The following PDE4D variants were observed in gnomAD, a reference collection of about 807,000 sequenced individuals.
PDE4D encodes 3',5'-cyclic-AMP phosphodiesterase 4D.
Under a neutral mutation model 87.4 loss-of-function variants are expected in PDE4D, and 24 were observed. The observed-to-expected ratio is 0.27, with a 90% CI of 0.20 to 0.39. The LOEUF (loss-of-function observed/expected upper bound fraction) is 0.39, where lower values mean the gene tolerates loss of function less well. Ranked by LOEUF, PDE4D falls within the 10% of genes least tolerant of loss-of-function variation. The pLI, the probability that PDE4D is intolerant of heterozygous loss-of-function variation, is 1.00. For synonymous variants in PDE4D, 384 were observed against 383.2 expected (o/e 1.00, Z -0.02); for missense variants, 714 against 1,041.0 (o/e 0.69, Z 4.32).
intron 1 of PDE4D, among the ~76,000 whole-genome samples, chr5:59,646,217 A>C (rs1343569559): frequency 2.0e-5 from 3 of 152,204 alleles, no homozygotes; most frequent in Non-Finnish European, 4.4e-5. Context: ...ATTTCTCTTA[A>C]AAGGGACTCC....
intron 2 of PDE4D, among the ~76,000 whole-genome samples, chr5:60,035,187 C>T (rs536023091): frequency 1.3e-3 from 197 of 150,582 alleles, no homozygotes; most frequent in African/African-American, 4.5e-3. Context: ...ACCCAGGAGG[C>T]GGAGGTGGCA....
At chr5:59,259,357 C>T (rs1761552165) in intron 1 of PDE4D, among the ~76,000 whole-genome samples, 1 of 151,880 alleles carries the variant, frequency 6.6e-6, no homozygotes. Context: ...CCCATCTCTC[C>T]AGTACATATT....
At chr5:59,935,440 A>G (rs184128823) in intron 3 of PDE4D, among the ~76,000 whole-genome samples, 70 of 152,318 alleles carry the variant, frequency 4.6e-4, no homozygotes, top group Non-Finnish European at 8.7e-4. Flanking sequence ...TTGATAAAAA[A>G]GGGGTAAAAA....
intron 1 of PDE4D, among the ~76,000 whole-genome samples, chr5:60,361,463 A>G (rs1478515866): frequency 6.6e-6 from 1 of 152,204 alleles, no homozygotes; most frequent in African/African-American, 2.4e-5. Context: ...TTTGATAATC[A>G]GCTTACCTTC....
chr5:59,626,146 C>A (rs966129915), intron 1 of PDE4D, among the ~76,000 whole-genome samples: 2 of 152,042 alleles, frequency 1.3e-5, no homozygotes, highest in Admixed American at 6.6e-5. Context: ...TTTTAGGGTC[C>A]GTTAACATTA....
intron 1 of PDE4D, among the ~76,000 whole-genome samples, chr5:59,321,053 G>A (rs938681996): frequency 6.6e-6 from 1 of 151,950 alleles, no homozygotes; most frequent in African/African-American, 2.4e-5. Flanking sequence ...CTTAACACTG[G>A]GATGAAACAC....
At chr5:59,785,781 G>A (rs758385161) in intron 1 of PDE4D, among the ~76,000 whole-genome samples, 1 of 152,192 alleles carries the variant, frequency 6.6e-6, no homozygotes, top group Non-Finnish European at 1.5e-5. Context: ...ACCGAAGGAT[G>A]GTACCATGTT....
At chr5:59,030,604 A>G (rs1011187152) in intron 6 of PDE4D, among the ~76,000 whole-genome samples, 4 of 151,820 alleles carry the variant, frequency 2.6e-5, no homozygotes, top group African/African-American at 9.7e-5. Context: ...GTATGGTGGC[A>G]CACACCTGTA....
At chr5:60,407,426 T>A (rs1741636677) in intron 1 of PDE4D, among the ~76,000 whole-genome samples, 1 of 150,306 alleles carries the variant, frequency 6.7e-6, no homozygotes, top group South Asian at 2.1e-4. Flanking sequence ...TACATTTGTA[T>A]TACATTTTTT....
chr5:59,655,672 T>C (rs976677410), intron 1 of PDE4D, among the ~76,000 whole-genome samples: 4 of 152,286 alleles, frequency 2.6e-5, no homozygotes, highest in African/African-American at 9.6e-5. Context: ...TCTGTCTCTG[T>C]TGATAAGTGG....
chr5:60,225,580 T>C (rs565732947), intron 1 of PDE4D, among the ~76,000 whole-genome samples: 5 of 152,120 alleles, frequency 3.3e-5, no homozygotes, highest in Non-Finnish European at 7.4e-5. Flanking sequence ...GACTGTGAGA[T>C]GATTAAATCT....
chr5:59,196,327 T>G (rs1471818463), intron 2 of PDE4D, among the ~76,000 whole-genome samples: 1 of 152,148 alleles, frequency 6.6e-6, no homozygotes, highest in Admixed American at 6.5e-5. Flanking sequence ...TTTTGTGATA[T>G]GCATTGGCTG....
rs1206189263 is a variant in PDE4D, at chr5:58,974,605, G to A, written c.*59C>T. Reference sequence around the variant, plus strand: ...TGACCGTGGTTGTGGCATGTGACATGCACTTTGGAAACAATTTTTCTACTT... The same window carrying A: ...TGACCGTGGTTGTGGCATGTGACATACACTTTGGAAACAATTTTTCTACTT... On this transcript the variant is annotated 3_prime_UTR_variant, in exon 15 of 15. Coordinates refer to ENST00000340635, the MANE Select transcript of PDE4D (RefSeq NM_001104631.2). 6.8e-7 allele frequency: 1 copy of A among 1,466,046 alleles called. No homozygotes were observed. Among genetic ancestry groups the A allele is most frequent in the Non-Finnish European group, 9.2e-7 (1 of 1,090,728 alleles). The allele number at this position is 1,466,046 out of a possible 1,614,324, so 90.8% of individuals were successfully genotyped here.
chr5:59,910,898 G>A (rs923903730), intron 3 of PDE4D, among the ~76,000 whole-genome samples: 34 of 152,304 alleles, frequency 2.2e-4, no homozygotes, highest in African/African-American at 7.9e-4. Context: ...ACTAGACAGT[G>A]AACTAACTGA....
At chr5:60,309,567 G>A (rs577133532) in intron 1 of PDE4D, among the ~76,000 whole-genome samples, 3 of 152,160 alleles carry the variant, frequency 2.0e-5, no homozygotes, top group African/African-American at 7.2e-5. Flanking sequence ...TTTTCAACCA[G>A]TTCTCTTCTC....
chr5:60,085,785 A>G (rs1352360228), intron 2 of PDE4D, among the ~76,000 whole-genome samples: 2 of 152,190 alleles, frequency 1.3e-5, no homozygotes, highest in Non-Finnish European at 2.9e-5. Flanking sequence ...TGCTTATGCT[A>G]TTTTGATTTG....
rs149307245 is a variant in PDE4D at position 60,050,994 on chromosome 5, C to T, written c.43-62277G>A. On this transcript the variant is annotated intron_variant, in intron 2 of 16. Coordinates refer to the PDE4D transcript ENST00000502484. ...AATGCAACAAGAAGAGCTAACTATC[C>T]TAAATATATTTGTACCCAATACAGG... Among the ~76,000 whole-genome samples, 1,060 of 152,212 alleles carry T rather than the reference C, an allele frequency of 7.0e-3. 10 individuals are homozygous for T. The highest frequency in any genetic ancestry group is 0.024 in the African/African-American group (1,008 of 41,538).
At chr5:59,372,295 T>C (rs1784058327) in intron 1 of PDE4D, among the ~76,000 whole-genome samples, 1 of 152,226 alleles carries the variant, frequency 6.6e-6, no homozygotes, top group South Asian at 2.1e-4. Context: ...AATAAACCAG[T>C]AAACTTTACA....
chr5:59,566,125 G>T (rs184534173), intron 1 of PDE4D, among the ~76,000 whole-genome samples: 1 of 152,252 alleles, frequency 6.6e-6, no homozygotes, highest in African/African-American at 2.4e-5. Context: ...AGACTGAATG[G>T]GTAACATTTG....
Sources: gnomAD v4.1 joint callset for allele counts (sites outside exome capture counted in the v4.1 genomes callset) on GRCh38, gnomAD v4.1.1 for gene constraint, MANE v1.5 for transcripts, NCBI Gene and HGNC (gene_info 2026-07-23, HGNC 2026-07-21) for gene names.